The following VPS25 variants were observed in gnomAD, a reference collection of about 807,000 sequenced individuals.
VPS25 encodes the protein vacuolar protein-sorting-associated protein 25.
Under a neutral mutation model 30.3 loss-of-function variants are expected in VPS25, and 21 were observed. The observed-to-expected ratio is 0.69, with a 90% CI of 0.49 to 1.00. The LOEUF (loss-of-function observed/expected upper bound fraction) is 1.00, where lower values mean the gene tolerates loss of function less well. Among genes scored for constraint, VPS25 ranks in the 50% least tolerant of loss-of-function variants. The probability of loss-of-function intolerance (pLI) is 0.00; values close to 1 mark genes in which losing one functional copy is unlikely to be tolerated. For missense variants in VPS25, 156 were observed against 217.2 expected (o/e 0.72, Z 1.77); for synonymous variants, 101 against 88.1 (o/e 1.15, Z -0.82).
chr17:42,779,005 T>A lies in VPS25; in HGVS notation c.467T>A (p.Leu156Gln). The change falls in exon 6 of 6, where the codon CTA becomes CAA. Residue 156 changes from leucine to glutamine, a missense_variant. Physicochemically the swap from Leu to Gln is moderately radical, Grantham distance 113. Transcript: ENST00000253794. ...EATLLRALQA[L>Q]QQEHKAEIIT... ...ACTCTACTGCGGGCTCTGCAGGCCC[T>A]ACAGCAGGAGCACAAGGCCGAGATC... 6.2e-7 allele frequency: 1 copy of A among 1,614,116 alleles called. No individual in the cohort carries two copies. The highest frequency in any genetic ancestry group is 8.5e-7 in the Non-Finnish European group (1 of 1,179,984).
At chr17:42,778,869 G>C (rs2054451078) in intron 5 of VPS25, 88 bp from the exon 6 acceptor site, 7 of 1,213,544 alleles carry the variant, frequency 5.8e-6, no homozygotes, top group Non-Finnish European at 8.4e-6. Flanking sequence ...CCCTGCCTCT[G>C]GGAGGTCTCG....
intron 2 of VPS25, 107 bp from the exon 3 acceptor site, chr17:42,774,539 A>ATG: frequency 3.7e-6 from 3 of 810,214 alleles, no homozygotes. Context: ...TTGCACACAT[A>ATG]TGTGTGTGGG....
Position 42,774,711 on chromosome 17 carries a change from T to C in VPS25, c.253+12T>C. 6.2e-7 allele frequency: 1 copy of C among 1,609,882 alleles called. No individual in the cohort carries two copies. The highest frequency in any genetic ancestry group is 1.7e-4 in the Middle Eastern group (1 of 6,044). ...ACTGAGGAAGAAAGGTGGGTTCAGT[T>C]CCCCAGATTCCTTATTTTTCTTCCT... On this transcript the variant is annotated intron_variant, in intron 3 of 5. Transcript: ENST00000253794.
At position 42,779,402 on chromosome 17, in the gene VPS25, G is replaced by A; in HGVS notation, c.*333G>A. 1 of 225,692 alleles carries A rather than the reference G, an allele frequency of 4.4e-6. No homozygotes were observed. Among genetic ancestry groups the A allele is most frequent in the Non-Finnish European group, 9.2e-6 (1 of 108,764 alleles). 14.0% of individuals were successfully genotyped at this position (225,692 alleles called of 1,614,324 possible). On this transcript the variant is annotated 3_prime_UTR_variant, in exon 6 of 6. Transcript: ENST00000253794. Reference sequence around the variant, plus strand: ...ATACACACATGCGCCTGCAGCACATGCTTCTGTCTCCTCCTCCTCCCACCC... The same window carrying A: ...ATACACACATGCGCCTGCAGCACATACTTCTGTCTCCTCCTCCTCCCACCC...
chr17:42,774,471 C>G, intron 2 of VPS25, 175 bp from the exon 3 acceptor site: 1 of 420,044 alleles, frequency 2.4e-6, no homozygotes, highest in South Asian at 5.6e-5. Flanking sequence ...GGAAGAGTTT[C>G]TCTTTACCTT....
At chr17:42,773,602 T>A (rs1000801135) in intron 1 of VPS25, 74 bp downstream of exon 1, 5 of 1,609,306 alleles carry the variant, frequency 3.1e-6, no homozygotes, top group Non-Finnish European at 4.3e-6. Context: ...GCCCTGATGC[T>A]TCATATGGGG....
At chr17:42,774,950 A>C in intron 3 of VPS25, 1 of 420,170 alleles carries the variant, frequency 2.4e-6, no homozygotes, top group Non-Finnish European at 4.2e-6. Flanking sequence ...TAATAGTAAA[A>C]TAAATATTGA....
At position 42,773,547 on chromosome 17, in the gene VPS25, G is replaced by C. The variant is rs371682255; in HGVS notation, c.53+19G>C. 2.8e-5 allele frequency: 45 copies of C among 1,614,028 alleles called. No homozygotes were observed. The highest frequency in any genetic ancestry group is 3.6e-5 in the Non-Finnish European group (42 of 1,180,036). Reference sequence around the variant, plus strand: ...TCTTTACGTGAGGCTCAGACCCCAAGAAGCACCGCTGTGCCTCCCTCCCCT... The same window carrying C: ...TCTTTACGTGAGGCTCAGACCCCAACAAGCACCGCTGTGCCTCCCTCCCCT... On this transcript the variant is annotated intron_variant, in intron 1 of 5. Coordinates refer to ENST00000253794, the MANE Select transcript of VPS25 (RefSeq NM_032353.4).
intron 5 of VPS25, among the ~76,000 whole-genome samples, chr17:42,776,941 G>C (rs2049482565): frequency 1.3e-5 from 2 of 152,206 alleles, no homozygotes; most frequent in Admixed American, 1.3e-4. Context: ...ACTTTCAGCT[G>C]GGCACAGTGG....
chr17:42,773,925 C>T (rs780496534), intron 2 of VPS25, 47 bp downstream of exon 2: 1 of 1,575,030 alleles, frequency 6.3e-7, no homozygotes, highest in Non-Finnish European at 8.6e-7. Context: ...TGCACTTCTG[C>T]GCTTTCACAC....
At chr17:42,776,805 A>C (rs566441314) in intron 5 of VPS25, among the ~76,000 whole-genome samples, 1 of 152,194 alleles carries the variant, frequency 6.6e-6, no homozygotes, top group South Asian at 2.1e-4. Flanking sequence ...TCCATAAGCC[A>C]CCTGAATTCA....
At chr17:42,775,342 G>A in intron 3 of VPS25, 39 bp from the exon 4 acceptor site, 1 of 1,572,754 alleles carries the variant, frequency 6.4e-7, no homozygotes, top group Non-Finnish European at 8.7e-7. Context: ...GTAAGCCACT[G>A]CGCGCCTGGT....
At chr17:42,778,858 A>G in intron 5 of VPS25, 99 bp from the exon 6 acceptor site, 2 of 1,046,740 alleles carry the variant, frequency 1.9e-6, no homozygotes, top group South Asian at 1.4e-5. Flanking sequence ...GCTTATGCAT[A>G]CCCTGCCTCT....
chr17:42,773,976 G>C, intron 2 of VPS25, 98 bp downstream of exon 2: 1 of 1,427,058 alleles, frequency 7.0e-7, no homozygotes. Flanking sequence ...TTTTACCCAT[G>C]GTAGGCAGAT....
intron 5 of VPS25, among the ~76,000 whole-genome samples, chr17:42,777,430 G>A (rs1209332712): frequency 2.6e-5 from 4 of 152,196 alleles, no homozygotes; most frequent in African/African-American, 4.8e-5. Flanking sequence ...CAGGAGGATC[G>A]CTTGAACCCG....
Position 42,773,498 on chromosome 17 carries a change from C to T in VPS25, c.23C>T (p.Pro8Leu), listed in dbSNP as rs141909224. Reference sequence around the variant, plus strand: ...ACGATGGCGATGAGTTTCGAGTGGCCGTGGCAGTATCGCTTCCCACCCTTC... The same window carrying T: ...ACGATGGCGATGAGTTTCGAGTGGCTGTGGCAGTATCGCTTCCCACCCTTC... MAMSFEW[P>L]WQYRFPPFFT... The change falls in exon 1 of 6, where the codon CCG (proline) becomes CTG (leucine). Residue 8 changes from proline (P) to leucine (L), a missense_variant. Physicochemically the swap from Pro to Leu is moderately conservative, Grantham distance 98. Coordinates refer to ENST00000253794, the MANE Select transcript of VPS25 (RefSeq NM_032353.4). 27 of 1,614,144 alleles carry T rather than the reference C, an allele frequency of 1.7e-5. No individual in the cohort carries two copies. The highest frequency in any genetic ancestry group is 2.2e-5 in the Non-Finnish European group (26 of 1,180,012).
chr17:42,774,372 C>CTTTT (rs1161401913), intron 2 of VPS25: 16 of 227,306 alleles, frequency 7.0e-5, no homozygotes, highest in African/African-American at 1.5e-4. Flanking sequence ...TTCTTTCTTT[C>CTTTT]TTTTTTTTTT....
intron 2 of VPS25, 172 bp from the exon 3 acceptor site, chr17:42,774,474 T>C: frequency 2.1e-6 from 1 of 478,358 alleles, no homozygotes; most frequent in East Asian, 3.1e-5. Context: ...AGAGTTTCTC[T>C]TTACCTTCCT....
At chr17:42,776,455 T>G (rs2054436284) in intron 5 of VPS25, 135 bp downstream of exon 5, 1 of 730,138 alleles carries the variant, frequency 1.4e-6, no homozygotes, top group Non-Finnish European at 2.2e-6. Context: ...CTCCGCCTCC[T>G]AGGTTGAAGC....
Sources: gnomAD v4.1 joint callset for allele counts (sites outside exome capture counted in the v4.1 genomes callset) on GRCh38, gnomAD v4.1.1 for gene constraint, MANE v1.5 for transcripts, NCBI Gene and HGNC (gene_info 2026-07-23, HGNC 2026-07-21) for gene names.